Variants in CPEB3 observed in about 807,000 individuals in gnomAD.
CPEB3 encodes cytoplasmic polyadenylation element-binding protein 3.
In CPEB3, 20 loss-of-function variants were observed where a neutral mutation model predicts 67.2. The ratio of observed to expected loss-of-function variants is 0.30; its 90% CI spans 0.21 to 0.43. CPEB3 has a LOEUF of 0.43. CPEB3 is among the 20% of genes least tolerant of loss of function. The pLI is 1.00. For synonymous variants in CPEB3, 376 were observed against 393.1 expected, an observed-to-expected ratio of 0.96 and a Z score of 0.51; for missense variants, 746 against 968.6, an observed-to-expected ratio of 0.77 and a Z score of 3.05.
At chr10:92,168,523 C>A (rs1847850310) in intron 4 of CPEB3, among the ~76,000 whole-genome samples, 1 of 151,928 alleles carries the variant, frequency 6.6e-6, no homozygotes, top group African/African-American at 2.4e-5. Context: ...ATTGTAGTTC[C>A]CATAATCCCC....
At chr10:92,290,232 T>C (rs1842792876) in intron 1 of CPEB3, among the ~76,000 whole-genome samples, 1 of 151,992 alleles carries the variant, frequency 6.6e-6, no homozygotes, top group African/African-American at 2.4e-5. Flanking sequence ...CCACAGGTCG[T>C]CCAAAAAACG....
At chr10:92,275,176 T>A (rs924909025) in intron 1 of CPEB3, among the ~76,000 whole-genome samples, 14 of 152,212 alleles carry the variant, frequency 9.2e-5, no homozygotes, top group African/African-American at 3.1e-4. Flanking sequence ...ATTACTGATA[T>A]TTTAGGCTAC....
chr10:92,281,134 A>T (rs1277414008), intron 1 of CPEB3, among the ~76,000 whole-genome samples: 1 of 151,534 alleles, frequency 6.6e-6, no homozygotes, highest in Non-Finnish European at 1.5e-5. Flanking sequence ...CTTTTTCCCC[A>T]ATTTAAAGAC....
At chr10:92,205,470 C>CTTTT (rs34029695) in intron 2 of CPEB3, among the ~76,000 whole-genome samples, 78 of 91,012 alleles carry the variant, frequency 8.6e-4, no homozygotes, top group Non-Finnish European at 1.1e-3. Flanking sequence ...AAATTCAGTC[C>CTTTT]TTTTTTTTTT....
chr10:92,069,043 G>T (rs2064767713), intron 9 of CPEB3, among the ~76,000 whole-genome samples: 1 of 152,276 alleles, frequency 6.6e-6, no homozygotes, highest in Middle Eastern at 3.4e-3. Flanking sequence ...TCCCAACTAA[G>T]GATAGGAGTA....
At chr10:92,210,985 G>A (rs1850054108) in intron 2 of CPEB3, among the ~76,000 whole-genome samples, 1 of 152,226 alleles carries the variant, frequency 6.6e-6, no homozygotes, top group Non-Finnish European at 1.5e-5. Context: ...TACAGGCAGA[G>A]GTTGCAGTGA....
At chr10:92,201,809 A>G (rs911854856) in intron 2 of CPEB3, among the ~76,000 whole-genome samples, 2 of 151,790 alleles carry the variant, frequency 1.3e-5, no homozygotes, top group Non-Finnish European at 2.9e-5. Flanking sequence ...CCAGGTATCA[A>G]CTCTCCTTCC....
intron 4 of CPEB3, among the ~76,000 whole-genome samples, chr10:92,173,931 C>G (rs934805313): frequency 1.3e-5 from 2 of 152,128 alleles, no homozygotes; most frequent in African/African-American, 4.8e-5. Flanking sequence ...CAGATAGAAA[C>G]CTGTTCAGAC....
At chr10:92,084,768 A>T (rs1053403555) in intron 8 of CPEB3, among the ~76,000 whole-genome samples, 2 of 151,904 alleles carry the variant, frequency 1.3e-5, no homozygotes, top group African/African-American at 2.4e-5. Context: ...TTTAGTAGAG[A>T]CTGGGTTTCA....
At chr10:92,196,690 C>A (rs1849251141) in intron 2 of CPEB3, among the ~76,000 whole-genome samples, 1 of 151,738 alleles carries the variant, frequency 6.6e-6, no homozygotes, top group Non-Finnish European at 1.5e-5. Flanking sequence ...ATCGCTTGAA[C>A]TGGGGAGGCG....
intron 4 of CPEB3, among the ~76,000 whole-genome samples, chr10:92,162,763 C>T (rs1345710027): frequency 6.6e-6 from 1 of 152,192 alleles, no homozygotes; most frequent in Non-Finnish European, 1.5e-5. Flanking sequence ...TTCCTTATGA[C>T]TTGGCCTGCA....
chr10:92,216,293 G>A (rs1339052930), intron 2 of CPEB3: 1 of 1,552,340 alleles, frequency 6.4e-7, no homozygotes, highest in African/African-American at 1.4e-5. Context: ...AAATTTGGCT[G>A]GGCAGCCTCC....
At chr10:92,052,792 G>A (rs559929373) in intron 9 of CPEB3, among the ~76,000 whole-genome samples, 1 of 152,346 alleles carries the variant, frequency 6.6e-6, no homozygotes, top group South Asian at 2.1e-4. Context: ...AGGATTAAGA[G>A]GGGCTGTGCA....
At chr10:92,281,269 G>C (rs1244896900) in intron 1 of CPEB3, among the ~76,000 whole-genome samples, 1 of 151,348 alleles carries the variant, frequency 6.6e-6, no homozygotes, top group Non-Finnish European at 1.5e-5. Flanking sequence ...GGGTGCAGGA[G>C]GGGTTGGTAG....
At chr10:92,209,520 T>C in intron 2 of CPEB3, among the ~76,000 whole-genome samples, 1 of 151,440 alleles carries the variant, frequency 6.6e-6, no homozygotes, top group East Asian at 2.0e-4. Context: ...AGACAGAAAC[T>C]CTGTGTCAAA....
At chr10:92,179,959 A>G (rs1848391274) in intron 4 of CPEB3, among the ~76,000 whole-genome samples, 1 of 152,244 alleles carries the variant, frequency 6.6e-6, no homozygotes, top group African/African-American at 2.4e-5. Context: ...GTGTATTGAG[A>G]GTCAGCTTGT....
chr10:92,250,563 G>A (rs922668628), intron 1 of CPEB3, among the ~76,000 whole-genome samples: 4 of 152,120 alleles, frequency 2.6e-5, no homozygotes, highest in East Asian at 1.9e-4. Flanking sequence ...AAAATCCTAC[G>A]CCTTCACATT....
intron 9 of CPEB3, among the ~76,000 whole-genome samples, chr10:92,060,935 C>T (rs112627445): frequency 1.4e-4 from 21 of 152,240 alleles, no homozygotes; most frequent in African/African-American, 4.6e-4. Flanking sequence ...TTAGTACAAC[C>T]ACCACGGAGA....
chr10:92,091,434 A>G (rs1408015364), intron 8 of CPEB3, among the ~76,000 whole-genome samples: 1 of 152,126 alleles, frequency 6.6e-6, no homozygotes, highest in Non-Finnish European at 1.5e-5. Flanking sequence ...ATCCAGCAGC[A>G]CAATTATTTC....
Sources: gnomAD v4.1 joint callset for allele counts (sites outside exome capture counted in the v4.1 genomes callset) on GRCh38, gnomAD v4.1.1 for gene constraint, MANE v1.5 for transcripts, NCBI Gene and HGNC (gene_info 2026-07-23, HGNC 2026-07-21) for gene names.